Variants in FAS observed in about 807,000 individuals in gnomAD.
FAS encodes the protein Fas cell surface death receptor.
In FAS, 5 loss-of-function variants were observed where a neutral mutation model predicts 33.2. That is an observed-to-expected ratio of 0.15 (90% confidence interval 0.08 to 0.32). The LOEUF (loss-of-function observed/expected upper bound fraction) is 0.32, where lower values mean the gene tolerates loss of function less well. Ranked by LOEUF, FAS falls within the 10% of genes least tolerant of loss-of-function variation. The pLI, the probability that FAS is intolerant of heterozygous loss-of-function variation, is 1.00. For synonymous variants in FAS, 131 were observed against 130.7 expected, an observed-to-expected ratio of 1.00 and a Z score of -0.01; for missense variants, 339 against 386.0, an observed-to-expected ratio of 0.88 and a Z score of 1.02.
chr10:88,991,105 G>A, intron 1 of FAS, 199 bp downstream of exon 1: 1 of 665,562 alleles, frequency 1.5e-6, no homozygotes, highest in Admixed American at 2.6e-5. Flanking sequence ...CGGGTGCTCA[G>A]AACGCTGGAG....
At chr10:88,965,981 C>T (rs188773941) in intron 1 of FAS, among the ~76,000 whole-genome samples, 7 of 152,220 alleles carry the variant, frequency 4.6e-5, no homozygotes, top group East Asian at 3.9e-4. Context: ...CCTGAATTTA[C>T]GGAACCATGG....
chr10:89,015,016 C>T lies in FAS; in HGVS notation c.*566C>T, dbSNP rs886047463. 3.7e-6 allele frequency: 2 copies of T among 533,398 alleles called. No individual in the cohort carries two copies. The highest frequency in any genetic ancestry group is 4.4e-5 in the Admixed American group (2 of 44,968). 33.0% of individuals were successfully genotyped at this position (533,398 alleles called of 1,614,324 possible). On this transcript the variant is annotated 3_prime_UTR_variant, in exon 9 of 9. Coordinates refer to ENST00000652046, the MANE Select transcript of FAS (RefSeq NM_000043.6). The stretch of plus-strand genomic sequence containing the variant: ...TTTAAATAAGGCTCTACCTCAAAGA[C>T]CTTTGCACAGTTTATTGGTGTCATA...
intron 2 of FAS, among the ~76,000 whole-genome samples, chr10:88,978,670 A>G (rs1846633613): frequency 6.6e-6 from 1 of 152,148 alleles, no homozygotes; most frequent in South Asian, 2.1e-4. Flanking sequence ...GTTCATTTGC[A>G]CCACGGCTCC....
rs1461336499 is a variant in FAS, at chr10:89,014,947, GAGA to G, written c.*501_*503del. The G allele has an allele frequency of 3.7e-6, 2 of 534,572 alleles. No individual in the cohort carries two copies. Among genetic ancestry groups the G allele is most frequent in the African/African-American group, 1.9e-5 (1 of 53,886 alleles). 33.1% of individuals were successfully genotyped at this position (534,572 alleles called of 1,614,324 possible). On this transcript the variant is annotated 3_prime_UTR_variant, in exon 9 of 9. Coordinates refer to ENST00000652046, the MANE Select transcript of FAS (RefSeq NM_000043.6). ...ATTTCTAAACTTTGTTTATAACTCTGAGAAGATCATATTTATGTAAAGTATATG... is the reference window on the plus strand; with the variant it reads ...ATTTCTAAACTTTGTTTATAACTCTGAGATCATATTTATGTAAAGTATATG...
intron 2 of FAS, among the ~76,000 whole-genome samples, chr10:88,978,006 C>T (rs1846611877): frequency 2.2e-5 from 1 of 45,694 alleles, no homozygotes; most frequent in African/African-American, 9.0e-5. Context: ...ACCCAAATGT[C>T]CAACAATGAT....
At chr10:89,004,880 A>G (rs1372775233) in intron 2 of FAS, among the ~76,000 whole-genome samples, 1 of 152,140 alleles carries the variant, frequency 6.6e-6, no homozygotes, top group Non-Finnish European at 1.5e-5. Context: ...AGGCTTATCA[A>G]TATCTAAGTT....
intron 1 of FAS, among the ~76,000 whole-genome samples, chr10:88,996,613 C>T (rs148689002): frequency 6.6e-6 from 1 of 151,900 alleles, no homozygotes; most frequent in Non-Finnish European, 1.5e-5. Flanking sequence ...CACACACACA[C>T]AAAAGAAAAT....
chr10:88,989,657 C>CA, upstream of FAS: 1 of 480,358 alleles, frequency 2.1e-6, no homozygotes, highest in Non-Finnish European at 4.1e-6. Flanking sequence ...TTTGAGGGCC[C>CA]AAACAGGCTC....
rs370426812 is a variant in FAS, at chr10:89,014,312, G to A, written c.870G>A (p.Ala290=). ...ATCAACTTCATGGAAAGAAAGAAGC[G>A]TATGACACATTGATTAAAGATCTCA... ...NWHQLHGKKE[A]YDTLIKDLKK... Residue 290 remains alanine, a synonymous_variant, in exon 9 of 9, where the codon GCG becomes GCA. Transcript: ENST00000652046. 3.1e-5 allele frequency: 50 copies of A among 1,613,758 alleles called. No individual in the cohort carries two copies. The highest frequency in any genetic ancestry group is 1.3e-4 in the East Asian group (6 of 44,858).
At chr10:89,012,168 T>A in intron 7 of FAS, 87 bp downstream of exon 7, 1 of 1,160,452 alleles carries the variant, frequency 8.6e-7, no homozygotes, top group East Asian at 2.4e-5. Flanking sequence ...CTTTTACTTT[T>A]TTGTTTCTTG....
chr10:89,002,911 C>G (rs1848008625), intron 1 of FAS, 118 bp from the exon 2 acceptor site: 1 of 1,029,774 alleles, frequency 9.7e-7, no homozygotes, highest in African/African-American at 1.6e-5. Flanking sequence ...CAGTGGAGCC[C>G]TCACATTGTC....
intron 1 of FAS, among the ~76,000 whole-genome samples, chr10:88,993,520 C>A (rs529689419): frequency 1.3e-5 from 2 of 152,120 alleles, no homozygotes; most frequent in African/African-American, 4.8e-5. Flanking sequence ...ATTGGCCAGG[C>A]AATCACTGGA....
At chr10:88,975,979 T>C (rs1846553110) in intron 2 of FAS, among the ~76,000 whole-genome samples, 1 of 152,194 alleles carries the variant, frequency 6.6e-6, no homozygotes, top group Non-Finnish European at 1.5e-5. Context: ...AAATCTGATG[T>C]CTCTTTCAAG....
chr10:88,992,661 A>C (rs1847316682), intron 1 of FAS: 1 of 152,230 alleles, frequency 6.6e-6, no homozygotes, highest in South Asian at 2.1e-4. Context: ...AAGGCTTATT[A>C]AATAAAATTT....
At chr10:89,001,895 G>A (rs1190346081) in intron 1 of FAS, among the ~76,000 whole-genome samples, 2 of 152,186 alleles carry the variant, frequency 1.3e-5, no homozygotes, top group Non-Finnish European at 2.9e-5. Context: ...TCATGGTAAC[G>A]GCTGTTCTGA....
upstream of FAS, among the ~76,000 whole-genome samples, chr10:88,987,378 G>T (rs1175137090): frequency 6.6e-6 from 1 of 152,204 alleles, no homozygotes; most frequent in Admixed American, 6.5e-5. Context: ...AATTTGTAGA[G>T]TTGGGTAACT....
In FAS at chr10:89,003,176, C is replaced by T; in HGVS notation, c.178C>T (p.His60Tyr). ...CCTGCATCATGATGGCCAATTCTGC[C>T]ATAAGCCCTGTCCTCCAGGTATGTT... Reference protein sequence around the residue: ...EGLHHDGQFCHKPCPPGERKA... With the variant: ...EGLHHDGQFCYKPCPPGERKA... Residue 60 changes from histidine to tyrosine, a missense_variant, in exon 2 of 9, where the codon CAT (histidine) becomes TAT (tyrosine). By Grantham distance (83) the His-to-Tyr change is moderately conservative (BLOSUM62 2). This residue lies in a region of FAS where 276 missense variants were observed against 300.1 expected (regional missense o/e 0.92). Coordinates refer to ENST00000652046, the MANE Select transcript of FAS (RefSeq NM_000043.6). 6.2e-7 allele frequency: 1 copy of T among 1,614,082 alleles called. No individual in the cohort carries two copies.
At chr10:89,006,854 C>A (rs9658751) in intron 2 of FAS, among the ~76,000 whole-genome samples, 1 of 150,540 alleles carries the variant, frequency 6.6e-6, no homozygotes, top group African/African-American at 2.5e-5. Flanking sequence ...TTACATAATG[C>A]TTTCTAATAG....
At position 89,014,680 on chromosome 10, in the gene FAS, C is replaced by G. The variant is rs770261305; in HGVS notation, c.*230C>G. ...CATCAAGAGTAAATGCAGTGGCATG[C>G]TAAGTACCCAAATAGGAGTGTATGC... On this transcript the variant is annotated 3_prime_UTR_variant, in exon 9 of 9. Coordinates refer to ENST00000652046, the MANE Select transcript of FAS (RefSeq NM_000043.6). 8 of 669,618 alleles carry G rather than the reference C, an allele frequency of 1.2e-5. No individual in the cohort carries two copies. In the African/African-American group the frequency reaches 1.4e-4, roughly 12 times the overall value. 41.5% of individuals were successfully genotyped at this position (669,618 alleles called of 1,614,324 possible).
Sources: allele counts gnomAD v4.1 joint callset (sites outside exome capture counted in the v4.1 genomes callset), GRCh38; gene constraint gnomAD v4.1.1; regional missense constraint gnomAD v4.1.1; transcripts MANE v1.5; gene names NCBI Gene and HGNC (gene_info 2026-07-23, HGNC 2026-07-21).